Variants in VAV3 observed in about 807,000 individuals in gnomAD.
VAV3 encodes the protein guanine nucleotide exchange factor VAV3.
VAV3 carries 94 observed loss-of-function variants against 131.2 expected under a neutral mutation model. The observed-to-expected ratio is 0.72, with a 90% CI of 0.61 to 0.85. The LOEUF is 0.85. VAV3 is among the 40% of genes least tolerant of loss of function. The pLI, the probability that VAV3 is intolerant of heterozygous loss-of-function variation, is 0.00. For missense variants in VAV3, 939 were observed against 1,002.7 expected (o/e 0.94, Z 0.86); for synonymous variants, 349 against 342.0 (o/e 1.02, Z -0.22).
chr1:107,899,875 A>C (rs1420165803), intron 1 of VAV3, among the ~76,000 whole-genome samples: 1 of 152,122 alleles, frequency 6.6e-6, no homozygotes, highest in African/African-American at 2.4e-5. Context: ...AATAAACATA[A>C]GGCTTACTTT....
intron 15 of VAV3, among the ~76,000 whole-genome samples, chr1:107,735,762 G>A (rs1284871870): frequency 6.6e-6 from 1 of 151,996 alleles, no homozygotes; most frequent in Non-Finnish European, 1.5e-5. Flanking sequence ...ATTCACAACC[G>A]ACTTCTACCA....
At chr1:107,829,716 A>C (rs1461205771) in intron 2 of VAV3, among the ~76,000 whole-genome samples, 4 of 152,072 alleles carry the variant, frequency 2.6e-5, no homozygotes, top group African/African-American at 4.8e-5. Flanking sequence ...TATGAGAACT[A>C]AAAAATGTGA....
intron 2 of VAV3, among the ~76,000 whole-genome samples, chr1:107,796,790 T>TAA (rs796941492): frequency 3.2e-4 from 42 of 132,248 alleles, no homozygotes; most frequent in Admixed American, 6.8e-4. Context: ...CTGTTATTTG[T>TAA]AAAAAAAAAA....
chr1:107,942,674 T>G (rs1674059113), intron 1 of VAV3, among the ~76,000 whole-genome samples: 1 of 152,170 alleles, frequency 6.6e-6, no homozygotes, highest in Non-Finnish European at 1.5e-5. Flanking sequence ...AAACTTATTT[T>G]TCAAACCAAT....
At chr1:107,884,405 T>TTTATTA (rs140793122) in intron 1 of VAV3, among the ~76,000 whole-genome samples, 23 of 141,710 alleles carry the variant, frequency 1.6e-4, no homozygotes, top group Non-Finnish European at 3.0e-4. Context: ...AAATAAATTA[T>TTTATTA]TTATTATTAT....
intron 20 of VAV3, among the ~76,000 whole-genome samples, chr1:107,631,221 GCAT>G (rs1032179190): frequency 2.6e-5 from 4 of 151,684 alleles, no homozygotes; most frequent in East Asian, 1.9e-4. Context: ...TATACTAAAT[GCAT>G]TGTTATCATA....
intron 15 of VAV3, among the ~76,000 whole-genome samples, chr1:107,713,673 C>T (rs17481300): frequency 0.019 from 2,822 of 152,206 alleles, 33 homozygotes; most frequent in Non-Finnish European, 0.029. Context: ...GAAGGGTTTT[C>T]ATAAAAGGGA....
intron 17 of VAV3, among the ~76,000 whole-genome samples, chr1:107,691,555 CTT>C (rs1030041497): frequency 1.3e-5 from 2 of 152,142 alleles, no homozygotes; most frequent in African/African-American, 4.8e-5. Context: ...CTGTATCTCT[CTT>C]TTTCTCCTGG....
At chr1:107,839,051 A>T (rs1337487400) in intron 2 of VAV3, among the ~76,000 whole-genome samples, 6 of 152,176 alleles carry the variant, frequency 3.9e-5, no homozygotes, top group Non-Finnish European at 7.4e-5. Flanking sequence ...GGTATCACAC[A>T]ATATACCTCT....
intron 20 of VAV3, among the ~76,000 whole-genome samples, chr1:107,640,431 A>G (rs1178621975): frequency 1.3e-5 from 2 of 152,316 alleles, no homozygotes; most frequent in East Asian, 3.9e-4. Flanking sequence ...CCAGTCTGAA[A>G]GCAGAACAGT....
intron 1 of VAV3, among the ~76,000 whole-genome samples, chr1:107,876,887 T>C (rs1406656340): frequency 6.6e-6 from 1 of 152,202 alleles, no homozygotes; most frequent in African/African-American, 2.4e-5. Context: ...AATTATTGTA[T>C]CTTTGCTTTT....
At chr1:107,875,841 C>T (rs766649628) in intron 1 of VAV3, among the ~76,000 whole-genome samples, 3 of 152,080 alleles carry the variant, frequency 2.0e-5, no homozygotes, top group Non-Finnish European at 4.4e-5. Flanking sequence ...TGTGGGAAGA[C>T]CAGAGTGTGG....
At chr1:107,710,740 A>G (rs761772774) in intron 15 of VAV3, among the ~76,000 whole-genome samples, 1 of 152,164 alleles carries the variant, frequency 6.6e-6, no homozygotes, top group Non-Finnish European at 1.5e-5. Flanking sequence ...TGGATAGTTT[A>G]TCGCCAGGAT....
intron 2 of VAV3, among the ~76,000 whole-genome samples, chr1:107,865,868 G>A (rs1475230571): frequency 6.6e-6 from 1 of 152,144 alleles, no homozygotes; most frequent in Non-Finnish European, 1.5e-5. Flanking sequence ...GCACTAAAGT[G>A]TTAACTGAAT....
chr1:107,859,662 C>A (rs138769886), intron 2 of VAV3, among the ~76,000 whole-genome samples: 4 of 152,192 alleles, frequency 2.6e-5, no homozygotes, highest in African/African-American at 9.6e-5. Context: ...CAAAGAGGAG[C>A]AGTATAAATT....
chr1:107,776,989 G>A (rs1665397246), intron 4 of VAV3, among the ~76,000 whole-genome samples: 2 of 152,202 alleles, frequency 1.3e-5, no homozygotes, highest in Admixed American at 1.3e-4. Context: ...ATGCCTTTGA[G>A]AAACTTTGAA....
chr1:107,788,728 G>C (rs1420684517), intron 2 of VAV3, among the ~76,000 whole-genome samples: 1 of 152,118 alleles, frequency 6.6e-6, no homozygotes, highest in Non-Finnish European at 1.5e-5. Context: ...AATTTATGCT[G>C]GTCTGTTAGA....
intron 19 of VAV3, among the ~76,000 whole-genome samples, chr1:107,662,474 C>T (rs959383521): frequency 2.0e-5 from 3 of 152,198 alleles, no homozygotes; most frequent in African/African-American, 7.2e-5. Context: ...CTCTCTCACA[C>T]ACACACACAG....
chr1:107,799,617 T>C (rs1450504282), intron 2 of VAV3, among the ~76,000 whole-genome samples: 1 of 152,148 alleles, frequency 6.6e-6, no homozygotes, highest in Non-Finnish European at 1.5e-5. Context: ...ATTTGATACA[T>C]TCATATACTT....
Sources: gnomAD v4.1 joint callset for allele counts (sites outside exome capture counted in the v4.1 genomes callset) on GRCh38, gnomAD v4.1.1 for gene constraint, MANE v1.5 for transcripts, NCBI Gene and HGNC (gene_info 2026-07-23, HGNC 2026-07-21) for gene names.